The following VWA5B1 variants were observed in gnomAD, a reference collection of about 807,000 sequenced individuals.
The protein encoded by VWA5B1 is von Willebrand factor A domain containing 5B1, also known as von Willebrand factor A domain-containing protein 5B1.
A neutral mutation model predicts 118.2 loss-of-function variants in VWA5B1; 115 were observed. That is an observed-to-expected ratio of 0.97 (90% CI 0.84 to 1.14). The LOEUF (loss-of-function observed/expected upper bound fraction) is 1.14, where lower values mean the gene tolerates loss of function less well. VWA5B1 is among the 50% of genes most tolerant of loss of function. The probability of loss-of-function intolerance (pLI) is 0.00; values close to 1 mark genes in which losing one functional copy is unlikely to be tolerated. For missense variants in VWA5B1, 1,596 were observed against 1,603.8 expected, an observed-to-expected ratio of 1.00 and a Z score of 0.08; for synonymous variants, 682 against 658.4, an observed-to-expected ratio of 1.04 and a Z score of -0.55.
Position 20,358,652 on chromosome 1 carries a change from T to C in VWA5B1, c.*4389T>C, listed in dbSNP as rs554697978. On this transcript the variant is annotated 3_prime_UTR_variant, in exon 22 of 22. Transcript: ENST00000289815. The stretch of plus-strand genomic sequence containing the variant: ...TAGAATCAAATGCACTCCATACTTT[T>C]AGTGCCCTGGGAAAGGAGAGGGAAG... Among the ~76,000 whole-genome samples the C allele has an allele frequency of 1.3e-5, 2 of 152,296 alleles. No homozygotes were observed. The highest frequency in any genetic ancestry group is 2.1e-4 in the South Asian group (1 of 4,818).
In VWA5B1 at chr1:20,354,284, G is replaced by T. The variant is rs2090191022; in HGVS notation, c.*21G>T. The T allele has an allele frequency of 6.6e-7, 1 of 1,509,714 alleles. No homozygotes were observed. Among genetic ancestry groups the T allele is most frequent in the East Asian group, 2.5e-5 (1 of 40,252 alleles). 93.5% of individuals were successfully genotyped at this position (1,509,714 alleles called of 1,614,324 possible). ...TGTAGTTGAGTGACGGGGAGGCTGG[G>T]TGGAGGGAAGGGTGGGGAGGAGAGG... On this transcript the variant is annotated 3_prime_UTR_variant, in exon 22 of 22. Transcript: ENST00000289815.
chr1:20,359,504 A>G lies in VWA5B1; in HGVS notation c.*5241A>G, dbSNP rs2296451. 0.11 allele frequency among the ~76,000 whole-genome samples: 16,468 copies of G among 152,146 alleles called. 1,301 individuals carry two copies. Among genetic ancestry groups the G allele is most frequent in the East Asian group, 0.37 (1,898 of 5,158 alleles). On this transcript the variant is annotated 3_prime_UTR_variant, in exon 22 of 22. Transcript: ENST00000289815. ...ATTATCTAGGCTTTGAGCTGATAAA[A>G]ATTGTTGAACCTGATCATATGACAA...
chr1:20,330,194 G>A lies in VWA5B1; in HGVS notation c.1269G>A (p.Met423Ile). The A allele has an allele frequency of 5.8e-6, 9 of 1,551,738 alleles. No individual in the cohort carries two copies. Among genetic ancestry groups the A allele is most frequent in the Non-Finnish European group, 7.8e-6 (9 of 1,147,006 alleles). ...CTTCTCTGCAGGACAGCTTGGCCAT[G>A]GCTTGTGATGACATCCAGAGAATGA... is the stretch of plus-strand genomic sequence containing the variant. ...SQTYSEDSLA[M>I]ACDDIQRMKA... is the part of the protein sequence containing the mutation. The change falls in exon 10 of 22, where the codon ATG (methionine) becomes ATA (isoleucine). Residue 423 changes from methionine to isoleucine, a missense_variant. Transcript: ENST00000289815.
intron 1 of VWA5B1, among the ~76,000 whole-genome samples, chr1:20,306,806 C>A (rs1361201294): frequency 6.6e-6 from 1 of 152,188 alleles, no homozygotes; most frequent in Non-Finnish European, 1.5e-5. Flanking sequence ...TCTTAGCATC[C>A]AAGTTGGACC....
chr1:20,296,805 C>G (rs1297457167), intron 1 of VWA5B1, among the ~76,000 whole-genome samples: 1 of 152,220 alleles, frequency 6.6e-6, no homozygotes, highest in African/African-American at 2.4e-5. Flanking sequence ...GGTCCCTGTT[C>G]TAAGTGGATT....
chr1:20,321,540 GA>G (rs1225099005), intron 7 of VWA5B1, among the ~76,000 whole-genome samples: 1 of 152,204 alleles, frequency 6.6e-6, no homozygotes, highest in Non-Finnish European at 1.5e-5. Flanking sequence ...AGCCGAGATT[GA>G]GCCACTGCAC....
Position 20,337,761 on chromosome 1 carries a change from A to G in VWA5B1, c.2058A>G (p.Pro686=), listed in dbSNP as rs1192593274. The G allele has an allele frequency of 6.4e-7, 1 of 1,551,578 alleles. No individual in the cohort carries two copies. The highest frequency in any genetic ancestry group is 2.4e-5 in the East Asian group (1 of 40,916). The change falls in exon 14 of 22, where the codon CCA becomes CCG. Residue 686 remains proline, a synonymous_variant. Coordinates refer to ENST00000289815, the MANE Select transcript of VWA5B1 (RefSeq NM_001039500.3). ...CCATGCCAGCTGCCAAGAGATACCC[A>G]CTGCGGAAAGCCAGGCTGCAGGACC... The part of the protein sequence containing the change: ...SDPMPAAKRY[P]LRKARLQDLT...
At chr1:20,317,481 C>G (rs1369790408) in intron 4 of VWA5B1, 49 bp from the exon 5 acceptor site, 1 of 1,541,740 alleles carries the variant, frequency 6.5e-7, no homozygotes, top group African/African-American at 1.4e-5. Flanking sequence ...CGCTGGACCC[C>G]TTCTTCCACC....
chr1:20,331,145 G>A (rs1402331525), intron 11 of VWA5B1, among the ~76,000 whole-genome samples, 162 bp downstream of exon 11: 1 of 152,218 alleles, frequency 6.6e-6, no homozygotes, highest in African/African-American at 2.4e-5. Flanking sequence ...GCAAGCCACA[G>A]AGCAGGCAAC....
chr1:20,319,408 G>A lies in VWA5B1; in HGVS notation c.868G>A (p.Glu290Lys), dbSNP rs972847051. ...GCCCCATATGCCCCATGTCCTGATAGAGAAAGGGGACATGACCCTGGGAGA... is the reference window on the plus strand; with the variant it reads ...GCCCCATATGCCCCATGTCCTGATAAAGAAAGGGGACATGACCCTGGGAGA... ...SEPHMPHVLI[E>K]KGDMTLGEFD... The change falls in exon 7 of 22, where the codon GAG becomes AAG. Residue 290 changes from glutamate to lysine, a missense_variant. Transcript: ENST00000289815. 3.2e-6 allele frequency: 5 copies of A among 1,551,670 alleles called. No homozygotes were observed. Among genetic ancestry groups the A allele is most frequent in the Non-Finnish European group, 4.4e-6 (5 of 1,147,004 alleles).
chr1:20,318,334 A>G (rs947196161), intron 5 of VWA5B1: 10 of 541,268 alleles, frequency 1.8e-5, no homozygotes, highest in Admixed American at 3.0e-5. Context: ...CGTGCCCTAT[A>G]AGAATGCAAC....
chr1:20,299,908 G>A (rs1253466349), intron 1 of VWA5B1, among the ~76,000 whole-genome samples: 2 of 152,200 alleles, frequency 1.3e-5, no homozygotes, highest in African/African-American at 2.4e-5. Flanking sequence ...GTAGAGCCCT[G>A]GGGGTTTGCC....
chr1:20,350,289 G>A, intron 19 of VWA5B1, 59 bp downstream of exon 19: 2 of 1,535,850 alleles, frequency 1.3e-6, no homozygotes, highest in Admixed American at 2.0e-5. Flanking sequence ...TGGTCCTGGG[G>A]TCAGGAGAGT....
At chr1:20,336,677 A>C (rs767346458) in intron 13 of VWA5B1, among the ~76,000 whole-genome samples, 191 bp downstream of exon 13, 1 of 152,234 alleles carries the variant, frequency 6.6e-6, no homozygotes, top group Non-Finnish European at 1.5e-5. Context: ...CAATAGGTAG[A>C]GTACAGACAA....
chr1:20,353,930 C>T lies in VWA5B1; in HGVS notation c.3315C>T (p.Ser1105=). 6.5e-7 allele frequency: 1 copy of T among 1,550,234 alleles called. No homozygotes were observed. Among genetic ancestry groups the T allele is most frequent in the Non-Finnish European group, 8.7e-7 (1 of 1,146,002 alleles). Residue 1105 remains serine, a synonymous_variant, in exon 22 of 22, where the codon TCC becomes TCT. Coordinates refer to ENST00000289815, the MANE Select transcript of VWA5B1 (RefSeq NM_001039500.3). ...CGAGTCCCCAGCTGTGCACCAGCTC[C>T]CCGCCTAGGCACCCGTCCTGTGACA... is the stretch of plus-strand genomic sequence containing the variant. The part of the protein sequence containing the change: ...KTPSPQLCTS[S]PPRHPSCDSF...
chr1:20,354,362 A>G lies in VWA5B1; in HGVS notation c.*99A>G. On this transcript the variant is annotated 3_prime_UTR_variant, in exon 22 of 22. Coordinates refer to ENST00000289815, the MANE Select transcript of VWA5B1 (RefSeq NM_001039500.3). ...TCGGGGAGCTTTTGGAGCTGTAACT[A>G]ATATTTCAGTTACTAGAAAGAGCCC... is the stretch of plus-strand genomic sequence containing the variant. The G allele has an allele frequency of 7.3e-7, 1 of 1,368,802 alleles. No individual in the cohort carries two copies. Among genetic ancestry groups the G allele is most frequent in the Non-Finnish European group, 9.7e-7 (1 of 1,029,772 alleles). 84.8% of individuals were successfully genotyped at this position (1,368,802 alleles called of 1,614,324 possible).
intron 16 of VWA5B1, 69 bp from the exon 17 acceptor site, chr1:20,345,387 C>T (rs958990713): frequency 1.3e-6 from 2 of 1,546,794 alleles, no homozygotes; most frequent in Non-Finnish European, 1.7e-6. Flanking sequence ...CCCTTTTTAG[C>T]TTCCAAAGCT....
At chr1:20,296,720 T>C (rs2088413109) in intron 1 of VWA5B1, among the ~76,000 whole-genome samples, 2 of 152,250 alleles carry the variant, frequency 1.3e-5, no homozygotes, top group South Asian at 4.1e-4. Flanking sequence ...TCTATTTTCA[T>C]ATTTTTAGTC....
rs762231467 is a variant in VWA5B1, at chr1:20,337,840, C to T, written c.2133+4C>T. ...GCGGTGGCAGATTGATTTGCAGGTA[C>T]CCAAGCAGGACAGATTAGGGAGGAG... On this transcript the variant is annotated splice_donor_region_variant and intron_variant, in intron 14 of 21. Coordinates refer to ENST00000289815, the MANE Select transcript of VWA5B1 (RefSeq NM_001039500.3). The T allele has an allele frequency of 6.4e-6, 10 of 1,551,448 alleles. No homozygotes were observed. The highest frequency in any genetic ancestry group is 2.4e-5 in the East Asian group (1 of 40,908).
Sources: allele counts gnomAD v4.1 joint callset (sites outside exome capture counted in the v4.1 genomes callset), GRCh38; gene constraint gnomAD v4.1.1; transcripts MANE v1.5; gene names NCBI Gene and HGNC (gene_info 2026-07-23, HGNC 2026-07-21).